Variants in CSMD3 observed in about 807,000 individuals in gnomAD.
CSMD3 encodes the protein CUB and sushi domain-containing protein 3.
A neutral mutation model predicts 435.2 loss-of-function variants in CSMD3; 177 were observed. The observed-to-expected ratio is 0.41, with a 90% CI of 0.36 to 0.46. The LOEUF (loss-of-function observed/expected upper bound fraction) is 0.46, where lower values mean the gene tolerates loss of function less well. Among genes scored for constraint, CSMD3 ranks in the 20% least tolerant of loss-of-function variants. The probability of loss-of-function intolerance (pLI) is 0.34; values close to 1 mark genes in which losing one functional copy is unlikely to be tolerated. For synonymous variants in CSMD3, 1,656 were observed against 1,520.5 expected (o/e 1.09, Z -2.07); for missense variants, 4,265 against 4,504.6 (o/e 0.95, Z 1.52).
chr8:112,506,801 A>T lies in CSMD3; in HGVS notation c.4785T>A (p.Ser1595=). The part of the protein sequence containing the change: ...IAPCGGNLTG[S]SGFILSPNFP... ...AGTTTGGTGAAAGAATAAAGCCTGAAGATCCTGTTAAATTGCCTCCACAGG... is the reference window on the plus strand; with the variant it reads ...AGTTTGGTGAAAGAATAAAGCCTGATGATCCTGTTAAATTGCCTCCACAGG... The change falls in exon 29 of 71, where the codon TCT becomes TCA. Residue 1595 remains serine, a synonymous_variant. Coordinates refer to ENST00000297405, the MANE Select transcript of CSMD3 (RefSeq NM_198123.2). The T allele has an allele frequency of 6.2e-7, 1 of 1,613,520 alleles. No individual in the cohort carries two copies. The highest frequency in any genetic ancestry group is 8.5e-7 in the Non-Finnish European group (1 of 1,179,520).
intron 32 of CSMD3, among the ~76,000 whole-genome samples, chr8:112,429,624 C>T (rs1813446812): frequency 1.3e-5 from 2 of 151,960 alleles, no homozygotes; most frequent in South Asian, 2.1e-4. Flanking sequence ...TAAATGGCTC[C>T]TCCTACCTGG....
chr8:112,622,979 G>C (rs1383043434), intron 22 of CSMD3, among the ~76,000 whole-genome samples: 2 of 152,024 alleles, frequency 1.3e-5, no homozygotes, highest in African/African-American at 4.8e-5. Flanking sequence ...ATTTGAACCT[G>C]GGGAGTTTTT....
rs142350591 is a variant in CSMD3, at chr8:112,902,112, A to G, written c.1633+19515T>C. Among the ~76,000 whole-genome samples the G allele has an allele frequency of 2.8e-3, 423 of 151,420 alleles. 1 individual carries two copies. The highest frequency in any genetic ancestry group is 9.7e-3 in the African/African-American group (401 of 41,450). ...ATGACCTTGATGACTTTTTTGAGCT[A>G]TAAGTGTCTGTGACTAATGGTTTTA... On this transcript the variant is annotated intron_variant, in intron 10 of 70. Coordinates refer to ENST00000297405, the MANE Select transcript of CSMD3 (RefSeq NM_198123.2).
chr8:113,367,615 T>G (rs151298813), intron 1 of CSMD3, among the ~76,000 whole-genome samples: 9 of 152,270 alleles, frequency 5.9e-5, no homozygotes, highest in African/African-American at 1.9e-4. Flanking sequence ...CATATCTTAG[T>G]AACTTCGTTT....
chr8:112,671,429 G>T (rs942023215), intron 16 of CSMD3, among the ~76,000 whole-genome samples: 6 of 152,038 alleles, frequency 3.9e-5, no homozygotes, highest in Non-Finnish European at 7.4e-5. Flanking sequence ...AAACATAAAT[G>T]ATCTAATCAC....
intron 32 of CSMD3, among the ~76,000 whole-genome samples, chr8:112,470,912 C>A (rs903839695): frequency 6.6e-6 from 1 of 151,612 alleles, no homozygotes; most frequent in Admixed American, 6.6e-5. Flanking sequence ...CAAGAAGATT[C>A]ATTTAAAAAA....
At chr8:113,348,641 T>C (rs531095580) in intron 1 of CSMD3, among the ~76,000 whole-genome samples, 11 of 152,098 alleles carry the variant, frequency 7.2e-5, no homozygotes, top group Non-Finnish European at 1.5e-4. Flanking sequence ...CGAGATTGTG[T>C]TCATATTCAG....
At chr8:112,817,361 T>G (rs2079402985) in intron 12 of CSMD3, among the ~76,000 whole-genome samples, 1 of 152,126 alleles carries the variant, frequency 6.6e-6, no homozygotes, top group Non-Finnish European at 1.5e-5. Flanking sequence ...ACCATCACTA[T>G]TAGTTCTCTC....
chr8:112,545,158 T>C (rs1423718380), intron 27 of CSMD3, among the ~76,000 whole-genome samples: 6 of 152,074 alleles, frequency 3.9e-5, no homozygotes, highest in African/African-American at 2.4e-5. Flanking sequence ...AACTATCTGT[T>C]ATACAAAATA....
intron 10 of CSMD3, among the ~76,000 whole-genome samples, chr8:112,892,285 T>C (rs531985286): frequency 6.6e-6 from 1 of 151,690 alleles, no homozygotes; most frequent in South Asian, 2.1e-4. Flanking sequence ...GTTCCTTTTT[T>C]TTCAAAGATT....
chr8:112,615,929 C>T (rs1267102370), intron 22 of CSMD3, among the ~76,000 whole-genome samples: 1 of 152,086 alleles, frequency 6.6e-6, no homozygotes, highest in African/African-American at 2.4e-5. Flanking sequence ...AAGAAAATCC[C>T]TTTCTTTGTT....
intron 35 of CSMD3, among the ~76,000 whole-genome samples, chr8:112,392,995 A>G (rs1472225778): frequency 2.0e-5 from 3 of 151,346 alleles, no homozygotes; most frequent in Non-Finnish European, 4.4e-5. Context: ...CCTACAGAGT[A>G]GCTAGGACTA....
At chr8:112,494,421 TTCTC>T (rs748690093) in intron 30 of CSMD3, among the ~76,000 whole-genome samples, 46 of 151,678 alleles carry the variant, frequency 3.0e-4, no homozygotes, top group African/African-American at 9.9e-4. Context: ...TTTTCTTTCT[TTCTC>T]TCTTTCTTTC....
At chr8:113,055,561 A>T (rs1212493374) in intron 5 of CSMD3, among the ~76,000 whole-genome samples, 4 of 152,166 alleles carry the variant, frequency 2.6e-5, no homozygotes, top group Non-Finnish European at 5.9e-5. Flanking sequence ...CTATAACTGT[A>T]ATCCTAAATT....
At chr8:113,433,814 C>T (rs192652122) in intron 1 of CSMD3, among the ~76,000 whole-genome samples, 1 of 152,028 alleles carries the variant, frequency 6.6e-6, no homozygotes, top group African/African-American at 2.4e-5. Flanking sequence ...TGGGTGAGAC[C>T]TAAACAGACA....
intron 22 of CSMD3, among the ~76,000 whole-genome samples, chr8:112,617,743 C>T (rs1470079985): frequency 6.6e-6 from 1 of 152,114 alleles, no homozygotes; most frequent in African/African-American, 2.4e-5. Context: ...TACTATCTAT[C>T]TTAATGTACA....
Position 113,314,670 on chromosome 8 carries a change from T to C in CSMD3, c.302A>G (p.Asn101Ser). The C allele has an allele frequency of 6.2e-7, 1 of 1,611,552 alleles. No homozygotes were observed. The highest frequency in any genetic ancestry group is 1.7e-5 in the Admixed American group (1 of 60,010). ...CTWVIIAEER[N>S]RIQIVFQSFA... ...TGACTGAAAAACAATTTGTATTCTA[T>C]TTCGTTCTTCTGCTATTATTACCCA... is the stretch of plus-strand genomic sequence containing the variant. Residue 101 changes from asparagine (N) to serine (S), a missense_variant, in exon 2 of 71, where the codon AAT becomes AGT. Asn to Ser is a conservative substitution (Grantham distance 46). This residue lies in a region of CSMD3 where 731 missense variants were observed against 755.4 expected (regional missense o/e 0.97). Coordinates refer to ENST00000297405, the MANE Select transcript of CSMD3 (RefSeq NM_198123.2).
intron 28 of CSMD3, among the ~76,000 whole-genome samples, chr8:112,516,232 C>T (rs1278156854): frequency 6.6e-6 from 1 of 151,976 alleles, no homozygotes; most frequent in African/African-American, 2.4e-5. Flanking sequence ...AATCTTCTCC[C>T]AAGTTGCTTA....
chr8:112,988,275 G>A (rs1325749017), intron 6 of CSMD3, among the ~76,000 whole-genome samples: 1 of 152,024 alleles, frequency 6.6e-6, no homozygotes, highest in Non-Finnish European at 1.5e-5. Flanking sequence ...AAATGTATTT[G>A]AATTTAAGAG....
Sources: allele counts gnomAD v4.1 joint callset (sites outside exome capture counted in the v4.1 genomes callset), GRCh38; gene constraint gnomAD v4.1.1; regional missense constraint gnomAD v4.1.1; transcripts MANE v1.5; gene names NCBI Gene and HGNC (gene_info 2026-07-23, HGNC 2026-07-21).